Variants in XPNPEP1 observed in about 807,000 individuals in gnomAD.
The protein encoded by XPNPEP1 is X-prolyl aminopeptidase 1, also known as xaa-Pro aminopeptidase 1.
XPNPEP1 carries 39 observed loss-of-function variants against 92.4 expected under a neutral mutation model. The ratio of observed to expected loss-of-function variants is 0.42; its 90% CI spans 0.33 to 0.55. The LOEUF (loss-of-function observed/expected upper bound fraction) is 0.55, where lower values mean the gene tolerates loss of function less well. XPNPEP1 is among the 20% of genes least tolerant of loss of function. The pLI is 0.08. For synonymous variants in XPNPEP1, 307 were observed against 299.4 expected, an observed-to-expected ratio of 1.03 and a Z score of -0.26; for missense variants, 654 against 856.1, an observed-to-expected ratio of 0.76 and a Z score of 2.95.
At chr10:109,883,185 C>A (rs1278439733) in intron 9 of XPNPEP1, among the ~76,000 whole-genome samples, 3 of 152,166 alleles carry the variant, frequency 2.0e-5, no homozygotes, top group Non-Finnish European at 4.4e-5. Context: ...GTGGCCCCTG[C>A]TCACATTCTG....
At chr10:109,915,168 G>C (rs1181620019) in intron 1 of XPNPEP1, 69 bp from the exon 2 acceptor site, 1 of 950,272 alleles carries the variant, frequency 1.1e-6, no homozygotes, top group Non-Finnish European at 1.5e-6. Flanking sequence ...TCAGTTAGAG[G>C]AGGCATCGCT....
intron 20 of XPNPEP1, among the ~76,000 whole-genome samples, chr10:109,866,924 G>A (rs142112559): frequency 3.2e-4 from 48 of 152,344 alleles, no homozygotes; most frequent in African/African-American, 1.1e-3. Context: ...TGTCACGGGA[G>A]TAGACTGATT....
chr10:109,909,980 C>T (rs1481528674), intron 2 of XPNPEP1, among the ~76,000 whole-genome samples: 1 of 152,180 alleles, frequency 6.6e-6, no homozygotes, highest in Admixed American at 6.5e-5. Flanking sequence ...CCACAGCTTA[C>T]TCCTGCATTC....
chr10:109,916,224 A>G (rs1850181648), intron 1 of XPNPEP1, among the ~76,000 whole-genome samples: 1 of 152,210 alleles, frequency 6.6e-6, no homozygotes. Context: ...ACATTTTAAC[A>G]CAGACCTAAA....
intron 1 of XPNPEP1, among the ~76,000 whole-genome samples, chr10:109,918,827 G>A (rs1850336991): frequency 7.8e-6 from 1 of 128,570 alleles, no homozygotes; most frequent in Non-Finnish European, 1.6e-5. Context: ...AGGAAAGAAA[G>A]GAAAGGAGGA....
At chr10:109,883,514 C>A (rs1025510566) in intron 9 of XPNPEP1, among the ~76,000 whole-genome samples, 2 of 152,178 alleles carry the variant, frequency 1.3e-5, no homozygotes, top group African/African-American at 2.4e-5. Flanking sequence ...ATCTCCCCAA[C>A]TCCAGCCAAG....
At chr10:109,904,718 A>G (rs1849462308) in intron 3 of XPNPEP1, among the ~76,000 whole-genome samples, 1 of 152,226 alleles carries the variant, frequency 6.6e-6, no homozygotes, top group Non-Finnish European at 1.5e-5. Flanking sequence ...AATGCAAATC[A>G]AATCTACAAT....
chr10:109,923,120 C>G (rs905812937), intron 1 of XPNPEP1: 1 of 977,794 alleles, frequency 1.0e-6, no homozygotes, highest in Non-Finnish European at 1.2e-6. Flanking sequence ...CCGCCGCCCC[C>G]TCAGGCCGAG....
At chr10:109,908,582 A>G (rs1849683030) in intron 2 of XPNPEP1, among the ~76,000 whole-genome samples, 1 of 152,238 alleles carries the variant, frequency 6.6e-6, no homozygotes, top group African/African-American at 2.4e-5. Context: ...AGCCTGGCAA[A>G]AGACCAAGAC....
In XPNPEP1 at chr10:109,866,405, G is replaced by T. The variant is rs552955476; in HGVS notation, c.1873-1093C>A. On this transcript the variant is annotated intron_variant, in intron 20 of 20. Coordinates refer to ENST00000502935, the MANE Select transcript of XPNPEP1 (RefSeq NM_020383.4). ...GGAGTCAGGGAAGTGATGGGGGCAG[G>T]GGAGGATGTCAAAAGCAGGCAAACT... Among the ~76,000 whole-genome samples, 176 of 152,308 alleles carry T rather than the reference G, an allele frequency of 1.2e-3. 1 individual carries two copies. The highest frequency in any genetic ancestry group is 2.0e-3 in the Non-Finnish European group (136 of 68,018).
chr10:109,906,358 T>C (rs1384987823), intron 3 of XPNPEP1, among the ~76,000 whole-genome samples: 7 of 152,162 alleles, frequency 4.6e-5, no homozygotes, highest in African/African-American at 1.7e-4. Flanking sequence ...AAGATATAAA[T>C]GTAGGTGTTG....
chr10:109,920,703 A>AT lies in XPNPEP1; in HGVS notation c.32+2698dup, dbSNP rs1190378108. Among the ~76,000 whole-genome samples, 193 of 146,734 alleles carry AT rather than the reference A, an allele frequency of 1.3e-3. 1 individual carries two copies. Among genetic ancestry groups the AT allele is most frequent in the African/African-American group, 4.1e-3 (163 of 40,122 alleles). ...AGGTATGTGCCATCACACCAACCTG[A>AT]TTTTTTTTTTTTAATAATTTTCTGA... is the stretch of plus-strand genomic sequence containing the variant. On this transcript the variant is annotated intron_variant, in intron 1 of 20. Coordinates refer to ENST00000502935, the MANE Select transcript of XPNPEP1 (RefSeq NM_020383.4).
At chr10:109,874,906 GCCA>G (rs1847695409) in intron 15 of XPNPEP1, among the ~76,000 whole-genome samples, 1 of 152,114 alleles carries the variant, frequency 6.6e-6, no homozygotes, top group South Asian at 2.1e-4. Context: ...CCGAGATCAC[GCCA>G]CTGCACTCCT....
At chr10:109,883,998 A>G in intron 9 of XPNPEP1, 69 bp downstream of exon 9, 1 of 1,425,972 alleles carries the variant, frequency 7.0e-7, no homozygotes, top group Non-Finnish European at 9.7e-7. Flanking sequence ...GTGGGCCAGG[A>G]CCAGAAAGGG....
At chr10:109,904,758 T>C (rs1849464417) in intron 3 of XPNPEP1, among the ~76,000 whole-genome samples, 1 of 152,030 alleles carries the variant, frequency 6.6e-6, no homozygotes, top group South Asian at 2.1e-4. Context: ...AAACAAAAAA[T>C]AGCAAGTGTT....
intron 1 of XPNPEP1, among the ~76,000 whole-genome samples, chr10:109,918,897 AAG>A (rs1850362630): frequency 6.9e-6 from 1 of 145,710 alleles, no homozygotes; most frequent in Non-Finnish European, 1.5e-5. Flanking sequence ...GGAAGGAAGG[AAG>A]GAAGGAAGGA....
At chr10:109,913,366 C>T (rs1849986302) in intron 2 of XPNPEP1, among the ~76,000 whole-genome samples, 1 of 152,354 alleles carries the variant, frequency 6.6e-6, no homozygotes, top group Non-Finnish European at 1.5e-5. Flanking sequence ...ATCTGAAGCA[C>T]CAGCTGGAAT....
chr10:109,890,236 A>G (rs1317295664), intron 5 of XPNPEP1, among the ~76,000 whole-genome samples: 1 of 152,148 alleles, frequency 6.6e-6, no homozygotes, highest in Non-Finnish European at 1.5e-5. Flanking sequence ...GACCCCCAAA[A>G]TGCTAACAGA....
At chr10:109,916,774 C>T (rs1169036382) in intron 1 of XPNPEP1, among the ~76,000 whole-genome samples, 2 of 152,162 alleles carry the variant, frequency 1.3e-5, no homozygotes, top group African/African-American at 4.8e-5. Context: ...TAAAAAGGAT[C>T]ATCATCGCCA....
Sources: allele counts gnomAD v4.1 joint callset (sites outside exome capture counted in the v4.1 genomes callset), GRCh38; gene constraint gnomAD v4.1.1; transcripts MANE v1.5; gene names NCBI Gene and HGNC (gene_info 2026-07-23, HGNC 2026-07-21).